Variants in PARD3 observed in about 807,000 individuals in gnomAD.
PARD3 encodes partitioning defective 3 homolog.
In PARD3, 75 loss-of-function variants were observed where a neutral mutation model predicts 155.4. That is an observed-to-expected ratio of 0.48 (90% CI 0.40 to 0.58). The LOEUF (loss-of-function observed/expected upper bound fraction) is 0.58. Ranked by LOEUF, PARD3 falls within the 20% of genes least tolerant of loss-of-function variation. The probability of loss-of-function intolerance (pLI) is 0.00; values close to 1 mark genes in which losing one functional copy is unlikely to be tolerated. For synonymous variants in PARD3, 576 were observed against 610.5 expected, an observed-to-expected ratio of 0.94 and a Z score of 0.83; for missense variants, 1,642 against 1,721.7, an observed-to-expected ratio of 0.95 and a Z score of 0.82.
chr10:34,747,004 C>T (rs1835411037), intron 1 of PARD3, among the ~76,000 whole-genome samples: 1 of 152,164 alleles, frequency 6.6e-6, no homozygotes, highest in African/African-American at 2.4e-5. Flanking sequence ...GCAGAGAAAG[C>T]AGCATTGGTT....
At chr10:34,354,155 G>A (rs972152886) in intron 14 of PARD3, among the ~76,000 whole-genome samples, 3 of 148,154 alleles carry the variant, frequency 2.0e-5, no homozygotes, top group Non-Finnish European at 3.0e-5. Flanking sequence ...AAAAAAAAAC[G>A]CCAGATGGTA....
At chr10:34,163,144 C>A (rs2248375) in intron 22 of PARD3, among the ~76,000 whole-genome samples, 27,276 of 152,030 alleles carry the variant, frequency 0.18, 2,825 homozygotes, top group Middle Eastern at 0.33. Context: ...CAGTCCAATA[C>A]CCTTGGTAGG....
intron 2 of PARD3, among the ~76,000 whole-genome samples, chr10:34,543,375 A>G (rs1385270045): frequency 1.3e-5 from 2 of 152,192 alleles, no homozygotes; most frequent in African/African-American, 4.8e-5. Context: ...AATAAATGAG[A>G]AGAGGACTGA....
In PARD3 at chr10:34,801,598, C is replaced by A. The variant is rs1336365438; in HGVS notation, c.120+13278G>T. ...ATTTAGTATGATAAATAGGTCAACT[C>A]CTGGGTGAAGTCTTCAGGTGATTTG... is the stretch of plus-strand genomic sequence containing the variant. On this transcript the variant is annotated intron_variant, in intron 1 of 24. Transcript: ENST00000374788. Among the ~76,000 whole-genome samples, 3 of 152,182 alleles carry A rather than the reference C, an allele frequency of 2.0e-5. No homozygotes were observed. In the East Asian group the frequency reaches 5.8e-4, roughly 29 times the overall value.
At chr10:34,773,864 C>T (rs1298538970) in intron 1 of PARD3, among the ~76,000 whole-genome samples, 1 of 152,098 alleles carries the variant, frequency 6.6e-6, no homozygotes, top group Admixed American at 6.5e-5. Context: ...CAATTAGAAG[C>T]TTTCATAATA....
intron 2 of PARD3, among the ~76,000 whole-genome samples, chr10:34,686,806 T>C (rs926415753): frequency 6.6e-6 from 1 of 150,944 alleles, no homozygotes; most frequent in African/African-American, 2.4e-5. Flanking sequence ...CCTAGCACTT[T>C]GGGAGGCTGA....
At chr10:34,370,851 T>C (rs1269900415) in intron 12 of PARD3, among the ~76,000 whole-genome samples, 2 of 150,780 alleles carry the variant, frequency 1.3e-5, no homozygotes, top group Admixed American at 6.6e-5. Context: ...TGTGTGTAAA[T>C]GACTGTGGAT....
At chr10:34,468,146 C>T (rs978959921) in intron 4 of PARD3, among the ~76,000 whole-genome samples, 4 of 152,080 alleles carry the variant, frequency 2.6e-5, no homozygotes, top group African/African-American at 7.2e-5. Flanking sequence ...TCCTTCACCA[C>T]GAAAGCAGAG....
intron 2 of PARD3, among the ~76,000 whole-genome samples, chr10:34,670,309 G>A (rs368035600): frequency 2.0e-5 from 3 of 152,214 alleles, no homozygotes; most frequent in African/African-American, 4.8e-5. Context: ...CGTGCACACC[G>A]GCTCGCCAGG....
intron 22 of PARD3, among the ~76,000 whole-genome samples, chr10:34,240,810 C>T (rs1171051791): frequency 6.6e-6 from 1 of 152,020 alleles, no homozygotes; most frequent in Non-Finnish European, 1.5e-5. Context: ...TCCCACCAAG[C>T]AGAGCTCAAA....
chr10:34,606,947 C>G lies in PARD3; in HGVS notation c.222+89371G>C, dbSNP rs374409813. Among the ~76,000 whole-genome samples the G allele has an allele frequency of 9.3e-4, 114 of 122,928 alleles. No homozygotes were observed. The South Asian group carries it at 0.029, about 31-fold the overall frequency. 80.6% of individuals were successfully genotyped at this position (122,928 alleles called of 152,430 possible). A position where few individuals can be genotyped will look rare whatever the true frequency, so the allele number is the denominator to read the frequency against. On this transcript the variant is annotated intron_variant, in intron 2 of 24. Coordinates refer to ENST00000374788, the MANE Select transcript of PARD3 (RefSeq NM_001184785.2). ...ACACCACTGCACTCCAGCCTGGTGACAGAGAGAGACTCTGTCTTAAAAAAA... is the reference window on the plus strand; with the variant it reads ...ACACCACTGCACTCCAGCCTGGTGAGAGAGAGAGACTCTGTCTTAAAAAAA...
At chr10:34,396,346 C>A (rs548586068) in intron 7 of PARD3, among the ~76,000 whole-genome samples, 25 of 151,954 alleles carry the variant, frequency 1.6e-4, no homozygotes, top group South Asian at 6.2e-4. Context: ...TCAAAAAAAA[C>A]CAAAAAACAA....
chr10:34,698,514 C>A (rs573515058), intron 1 of PARD3, among the ~76,000 whole-genome samples: 152 of 152,300 alleles, frequency 1.0e-3, no homozygotes, highest in African/African-American at 3.6e-3. Context: ...ATCACACCCC[C>A]AAAGCAGATC....
intron 2 of PARD3, among the ~76,000 whole-genome samples, chr10:34,559,008 A>G (rs956889368): frequency 6.6e-6 from 1 of 152,130 alleles, no homozygotes; most frequent in African/African-American, 2.4e-5. Context: ...ACATTTTTCT[A>G]GAAGAATCTT....
chr10:34,438,970 T>C (rs1374170545), intron 5 of PARD3, among the ~76,000 whole-genome samples: 2 of 152,012 alleles, frequency 1.3e-5, no homozygotes, highest in South Asian at 2.1e-4. Context: ...CTGGGGTTGG[T>C]TGAGTCTATC....
chr10:34,227,859 T>TAC lies in PARD3; in HGVS notation c.3419+41797_3419+41798insGT, dbSNP rs1952693972. On this transcript the variant is annotated intron_variant, in intron 22 of 24. Coordinates refer to ENST00000374788, the MANE Select transcript of PARD3 (RefSeq NM_001184785.2). ...TCCCAGTAATGGGAATTATTTTTTA[T>TAC]ATATATATATATATATATATATATA... 6.6e-5 allele frequency among the ~76,000 whole-genome samples: 4 copies of TAC among 61,056 alleles called. No homozygotes were observed. The Admixed American group carries it at 6.6e-4, about 10-fold the overall frequency. The allele number at this position is 61,056 out of a possible 152,430, so 40.1% of individuals were successfully genotyped here. A position where few individuals can be genotyped will look rare whatever the true frequency, so the allele number is the denominator to read the frequency against.
chr10:34,371,486 CAAAAAAAAAAAAAAAAAAAAAAAAAA>C (rs968034029), intron 12 of PARD3, among the ~76,000 whole-genome samples: 40 of 22,748 alleles, frequency 1.8e-3, no homozygotes, highest in South Asian at 4.3e-3. Flanking sequence ...ATTCTAGACT[CAAAAAAAAAAAAAAAAAAAAAAAAAA>C]AAAAAAAAAA....
At chr10:34,666,797 A>AAAAAAAAATATATATG (rs71033331) in intron 2 of PARD3, among the ~76,000 whole-genome samples, 7 of 65,104 alleles carry the variant, frequency 1.1e-4, no homozygotes, top group African/African-American at 3.9e-4. Flanking sequence ...AAAAAAAAAA[A>AAAAAAAAATATATATG]TATATATATA....
intron 5 of PARD3, among the ~76,000 whole-genome samples, chr10:34,436,959 G>A (rs890837386): frequency 6.6e-6 from 1 of 152,178 alleles, no homozygotes; most frequent in Non-Finnish European, 1.5e-5. Flanking sequence ...ATACGGGGAG[G>A]AGAGCTAGCT....
Sources: gnomAD v4.1 joint callset for allele counts (sites outside exome capture counted in the v4.1 genomes callset) on GRCh38, gnomAD v4.1.1 for gene constraint, MANE v1.5 for transcripts, NCBI Gene and HGNC (gene_info 2026-07-23, HGNC 2026-07-21) for gene names.